The following STOM variants were observed in gnomAD, a reference collection of about 807,000 sequenced individuals.
The protein encoded by STOM is erythrocyte band 7 integral membrane protein.
A neutral mutation model predicts 30.6 loss-of-function variants in STOM; 25 were observed. The ratio of observed to expected loss-of-function variants is 0.82; its 90% CI spans 0.60 to 1.14. The LOEUF (loss-of-function observed/expected upper bound fraction) is 1.14, where lower values mean the gene tolerates loss of function less well. STOM is among the 50% of genes most tolerant of loss of function. The pLI, the probability that STOM is intolerant of heterozygous loss-of-function variation, is 0.00. For missense variants in STOM, 292 were observed against 365.2 expected (o/e 0.80, Z 1.63); for synonymous variants, 118 against 130.8 (o/e 0.90, Z 0.67).
In STOM at chr9:121,349,300, T is replaced by C. The variant is rs746250308; in HGVS notation, c.345A>G (p.Thr115=). The part of the protein sequence containing the change: ...PQEILTKDSV[T]ISVDGVVYYR... ...AATAGACCACACCATCCACGCTAAT[T>C]GTCACTGAATCCTTTGTGAGGATCT... Residue 115 remains threonine (T), a synonymous_variant, in exon 5 of 7, where the codon ACA becomes ACG. Transcript: ENST00000286713. 1 of 1,614,172 alleles carries C rather than the reference T, an allele frequency of 6.2e-7. No homozygotes were observed. Among genetic ancestry groups the C allele is most frequent in the South Asian group, 1.1e-5 (1 of 91,086 alleles).
At position 121,341,246 on chromosome 9, in the gene STOM, T is replaced by C; in HGVS notation, c.823A>G (p.Met275Val). Residue 275 changes from methionine (M) to valine (V), a missense_variant, in exon 7 of 7, where the codon ATG (methionine) becomes GTG (valine). Transcript: ENST00000286713. ...TTTGCCCCTATGATTCCTTGCAGCATATCTATGGGCAGAGGGAAGACAATT... is the reference window on the plus strand; with the variant it reads ...TTTGCCCCTATGATTCCTTGCAGCACATCTATGGGCAGAGGGAAGACAATT... ...STIVFPLPIDMLQGIIGAKHS... is the reference protein window; with the variant it reads ...STIVFPLPIDVLQGIIGAKHS... 3 of 1,614,136 alleles carry C rather than the reference T, an allele frequency of 1.9e-6. No homozygotes were observed. Among genetic ancestry groups the C allele is most frequent in the Non-Finnish European group, 2.5e-6 (3 of 1,180,020 alleles).
chr9:121,360,930 G>C (rs551862220), intron 1 of STOM, among the ~76,000 whole-genome samples: 2 of 152,308 alleles, frequency 1.3e-5, no homozygotes, highest in African/African-American at 4.8e-5. Context: ...GAAATAATCA[G>C]TGTATACACT....
At chr9:121,357,261 T>C (rs1241258514) in intron 1 of STOM, among the ~76,000 whole-genome samples, 1 of 151,900 alleles carries the variant, frequency 6.6e-6, no homozygotes, top group Non-Finnish European at 1.5e-5. Flanking sequence ...TCTAATTGTT[T>C]CCTGTTCCTG....
intron 1 of STOM, among the ~76,000 whole-genome samples, chr9:121,361,545 T>G (rs1436579102): frequency 2.0e-5 from 3 of 151,914 alleles, no homozygotes; most frequent in Admixed American, 6.6e-5. Flanking sequence ...CCCACCACCA[T>G]GCCTGGCTAA....
intron 1 of STOM, among the ~76,000 whole-genome samples, chr9:121,361,604 G>T (rs1439650327): frequency 6.6e-6 from 1 of 152,062 alleles, no homozygotes; most frequent in Non-Finnish European, 1.5e-5. Context: ...TAGCCAGGAT[G>T]GTCTTGATCT....
intron 6 of STOM, among the ~76,000 whole-genome samples, chr9:121,345,514 A>AC (rs760193341): frequency 3.3e-5 from 5 of 151,282 alleles, no homozygotes; most frequent in South Asian, 2.1e-4. Context: ...AGAAACTGTG[A>AC]CCCCCCTATT....
intron 1 of STOM, among the ~76,000 whole-genome samples, chr9:121,360,465 C>A (rs1219990828): frequency 6.6e-6 from 1 of 152,082 alleles, no homozygotes; most frequent in Non-Finnish European, 1.5e-5. Context: ...ATGATCTTTA[C>A]CTCTTTGAAC....
chr9:121,350,572 T>C (rs1485306494), intron 4 of STOM, among the ~76,000 whole-genome samples: 1 of 152,186 alleles, frequency 6.6e-6, no homozygotes, highest in African/African-American at 2.4e-5. Context: ...CAGTGAGAGT[T>C]AGGAGACCTG....
chr9:121,343,223 C>A (rs1016236649), intron 6 of STOM, among the ~76,000 whole-genome samples: 1 of 152,150 alleles, frequency 6.6e-6, no homozygotes, highest in Non-Finnish European at 1.5e-5. Context: ...ATTAAAAGTA[C>A]AATTTCTCCA....
Position 121,340,614 on chromosome 9 carries a change from G to T in STOM, c.*588C>A. ...ATAATACAAAAATTAGCTGGGCATG[G>T]TGGCATGAGCCTGTAATCCCAGCTA... On this transcript the variant is annotated 3_prime_UTR_variant, in exon 7 of 7. Transcript: ENST00000286713. 1 of 573,550 alleles carries T rather than the reference G, an allele frequency of 1.7e-6. No individual in the cohort carries two copies. The highest frequency in any genetic ancestry group is 2.2e-6 in the Non-Finnish European group (1 of 453,958). The allele number at this position is 573,550 out of a possible 1,614,324, so 35.5% of individuals were successfully genotyped here. A position where few individuals can be genotyped will look rare whatever the true frequency, so the allele number is the denominator to read the frequency against.
chr9:121,358,111 G>A (rs2064413349), intron 1 of STOM, among the ~76,000 whole-genome samples: 1 of 151,492 alleles, frequency 6.6e-6, no homozygotes, highest in South Asian at 2.1e-4. Context: ...GACTAGCTTG[G>A]GCAACATAGG....
intron 1 of STOM, among the ~76,000 whole-genome samples, chr9:121,357,521 C>T (rs1303182147): frequency 1.3e-5 from 2 of 150,060 alleles, no homozygotes; most frequent in Non-Finnish European, 3.0e-5. Flanking sequence ...CTCACTGCAA[C>T]CTCCACCTCC....
At chr9:121,350,676 G>A (rs573839235) in intron 4 of STOM, among the ~76,000 whole-genome samples, 7 of 152,290 alleles carry the variant, frequency 4.6e-5, no homozygotes, top group East Asian at 1.9e-4. Flanking sequence ...GTGAGATGGC[G>A]CTAATAATAC....
chr9:121,340,574 T>C lies in STOM; in HGVS notation c.*628A>G. On this transcript the variant is annotated 3_prime_UTR_variant, in exon 7 of 7. Transcript: ENST00000286713. ...CAACATGGTGAAACCCCGTCTCTAC[T>C]AAAAAACAATAATAATAATACAAAA... The C allele has an allele frequency of 1.7e-6, 1 of 588,540 alleles. No homozygotes were observed. The highest frequency in any genetic ancestry group is 2.1e-6 in the Non-Finnish European group (1 of 467,914). 36.5% of individuals were successfully genotyped at this position (588,540 alleles called of 1,614,324 possible).
chr9:121,367,681 C>G (rs1446170284), intron 1 of STOM, among the ~76,000 whole-genome samples: 1 of 152,208 alleles, frequency 6.6e-6, no homozygotes. Flanking sequence ...ATTTACCTAC[C>G]TAGGACTAAT....
intron 4 of STOM, among the ~76,000 whole-genome samples, chr9:121,352,832 T>C (rs1312091086): frequency 2.0e-5 from 3 of 152,188 alleles, no homozygotes; most frequent in African/African-American, 7.2e-5. Flanking sequence ...CGGTGGCTCA[T>C]GCCTGTAATC....
At chr9:121,369,741 G>A (rs1462768640) in intron 1 of STOM, among the ~76,000 whole-genome samples, 1 of 152,128 alleles carries the variant, frequency 6.6e-6, no homozygotes, top group Non-Finnish European at 1.5e-5. Context: ...AGTGAGTCGG[G>A]AAAGAAGGGG....
chr9:121,348,069 C>T lies in STOM; in HGVS notation c.606G>A (p.Gln202=). The T allele has an allele frequency of 6.2e-7, 1 of 1,614,230 alleles. No individual in the cohort carries two copies. Among genetic ancestry groups the T allele is most frequent in the Non-Finnish European group, 8.5e-7 (1 of 1,180,036 alleles). The change falls in exon 6 of 7, where the codon CAG becomes CAA. Residue 202 remains glutamine, a synonymous_variant. Transcript: ENST00000286713. ...VEIKDVKLPV[Q]LQRAMAAEAE... is the part of the protein sequence containing the mutation. Reference sequence around the variant, plus strand: ...CTTCTGCAGCCATAGCTCTCTGGAGCTGCACAGGTAGTTTCACATCCTTAA... The same window carrying T: ...CTTCTGCAGCCATAGCTCTCTGGAGTTGCACAGGTAGTTTCACATCCTTAA...
chr9:121,351,475 C>T (rs2064338729), intron 4 of STOM, among the ~76,000 whole-genome samples: 1 of 152,266 alleles, frequency 6.6e-6, no homozygotes, highest in Admixed American at 6.5e-5. Flanking sequence ...CATGGCCAGG[C>T]TCCATCACCA....
Sources: gnomAD v4.1 joint callset for allele counts (sites outside exome capture counted in the v4.1 genomes callset) on GRCh38, gnomAD v4.1.1 for gene constraint, MANE v1.5 for transcripts, NCBI Gene and HGNC (gene_info 2026-07-23, HGNC 2026-07-21) for gene names.